The following LASP1 variants were observed in gnomAD, a reference collection of about 807,000 sequenced individuals.
The protein encoded by LASP1 is LIM and SH3 protein 1, also known as LIM and SH3 domain protein 1.
In LASP1, 10 loss-of-function variants were observed where a neutral mutation model predicts 38.6. That is an observed-to-expected ratio of 0.26 (90% CI 0.16 to 0.44). The LOEUF (loss-of-function observed/expected upper bound fraction) is 0.44. Among genes scored for constraint, LASP1 ranks in the 20% least tolerant of loss-of-function variants. The pLI is 1.00. For missense variants in LASP1, 243 were observed against 375.7 expected, an observed-to-expected ratio of 0.65 and a Z score of 2.92; for synonymous variants, 132 against 140.8, an observed-to-expected ratio of 0.94 and a Z score of 0.44.
chr17:38,918,888 G>A lies in LASP1; in HGVS notation c.*110G>A, dbSNP rs566644862. Reference sequence around the variant, plus strand: ...TGTTTTTTAAAACCTGCGACAGCTTGTGATTCCTACCCCTCTTCCAGCTTC... The same window carrying A: ...TGTTTTTTAAAACCTGCGACAGCTTATGATTCCTACCCCTCTTCCAGCTTC... On this transcript the variant is annotated 3_prime_UTR_variant, in exon 7 of 7. Transcript: ENST00000318008. This position sits in a 1 kb window ranked among gnomAD's most constrained non-coding sequence, Gnocchi z 4.4. 2.5e-3 allele frequency: 3,128 copies of A among 1,230,552 alleles called. 6 individuals are homozygous for A. The highest frequency in any genetic ancestry group is 3.5e-3 in the Admixed American group (157 of 44,790). The allele number at this position is 1,230,552 out of a possible 1,614,324, so 76.2% of individuals were successfully genotyped here. A position where few individuals can be genotyped will look rare whatever the true frequency, so the allele number is the denominator to read the frequency against.
chr17:38,901,880 C>G (rs1339714659), intron 4 of LASP1, among the ~76,000 whole-genome samples: 2 of 152,110 alleles, frequency 1.3e-5, no homozygotes, highest in Non-Finnish European at 2.9e-5. Flanking sequence ...ATTCTGCTGC[C>G]TCAGCCTCGT....
intron 4 of LASP1, among the ~76,000 whole-genome samples, chr17:38,899,516 G>A (rs949636610): frequency 6.6e-6 from 1 of 152,182 alleles, no homozygotes; most frequent in Non-Finnish European, 1.5e-5. Flanking sequence ...TGGCTGGGCC[G>A]TGCATAGAGT....
In LASP1 at chr17:38,919,490, C is replaced by G. The variant is rs934314264; in HGVS notation, c.*712C>G. On this transcript the variant is annotated 3_prime_UTR_variant, in exon 7 of 7. Transcript: ENST00000318008. ...AGCACAGCTTGGGTCAGGTTCTTGC[C>G]TTTCTTAATTTTAGGGACAGCTACC... 3 of 244,164 alleles carry G rather than the reference C, an allele frequency of 1.2e-5. No homozygotes were observed. Among genetic ancestry groups the G allele is most frequent in the African/African-American group, 6.6e-5 (3 of 45,590 alleles). 15.1% of individuals were successfully genotyped at this position (244,164 alleles called of 1,614,324 possible). A position where few individuals can be genotyped will look rare whatever the true frequency, so the allele number is the denominator to read the frequency against.
chr17:38,898,970 C>T, intron 4 of LASP1: 1 of 355,370 alleles, frequency 2.8e-6, no homozygotes, highest in South Asian at 2.1e-5. Context: ...GCTCTTCCTT[C>T]CTGTGTAAAA....
chr17:38,872,323 C>T (rs1183642542), intron 1 of LASP1, among the ~76,000 whole-genome samples: 2 of 152,140 alleles, frequency 1.3e-5, no homozygotes, highest in East Asian at 3.9e-4. Flanking sequence ...CCTTCAGTGC[C>T]GTGTACCCGA....
chr17:38,897,136 G>C, intron 3 of LASP1: 4 of 932,416 alleles, frequency 4.3e-6, no homozygotes, highest in Non-Finnish European at 5.1e-6. Context: ...TGAACTAATG[G>C]GGAACAGCAC....
At chr17:38,905,952 C>T (rs566574494) in intron 4 of LASP1, among the ~76,000 whole-genome samples, 59 of 152,058 alleles carry the variant, frequency 3.9e-4, no homozygotes, top group Admixed American at 1.1e-3. Context: ...CCCAGCTACT[C>T]GAGCGGCTGA....
intron 2 of LASP1, among the ~76,000 whole-genome samples, chr17:38,887,776 T>C (rs226235): frequency 0.69 from 105,066 of 152,102 alleles, 36,970 homozygotes; most frequent in African/African-American, 0.84. Flanking sequence ...GTTATGCTCC[T>C]TTGATTGAGG....
intron 3 of LASP1, among the ~76,000 whole-genome samples, chr17:38,895,090 G>T (rs996171247): frequency 9.3e-4 from 142 of 152,104 alleles, no homozygotes; most frequent in African/African-American, 3.3e-3. Context: ...GGGTTACAAA[G>T]TATGTTGGCC....
At chr17:38,897,411 T>C (rs1914519012) in intron 3 of LASP1, among the ~76,000 whole-genome samples, 2 of 152,158 alleles carry the variant, frequency 1.3e-5, no homozygotes, top group African/African-American at 4.8e-5. Context: ...GCAGCCCCCG[T>C]GGAGGAAATC....
chr17:38,915,165 AG>A lies in LASP1; in HGVS notation c.612+23del. On this transcript the variant is annotated intron_variant, in intron 6 of 6. Transcript: ENST00000318008. Reference sequence around the variant, plus strand: ...TGGCGGGGTGAGTAACCCTGGCCGGAGGGGAGAGGCCAGAGGCAGGGGGTCC... The same window carrying A: ...TGGCGGGGTGAGTAACCCTGGCCGGAGGGAGAGGCCAGAGGCAGGGGGTCC... 1 of 1,606,568 alleles carries A rather than the reference AG, an allele frequency of 6.2e-7. No individual in the cohort carries two copies. Among genetic ancestry groups the A allele is most frequent in the Non-Finnish European group, 8.5e-7 (1 of 1,173,826 alleles).
chr17:38,913,673 A>C (rs1915020934), intron 4 of LASP1, among the ~76,000 whole-genome samples: 2 of 152,084 alleles, frequency 1.3e-5, no homozygotes, highest in Admixed American at 1.3e-4. Flanking sequence ...CCCAGGCGGA[A>C]ACAGAGCAGC....
At chr17:38,910,813 C>T (rs1281279723) in intron 4 of LASP1, among the ~76,000 whole-genome samples, 1 of 150,446 alleles carries the variant, frequency 6.6e-6, no homozygotes, top group Non-Finnish European at 1.5e-5. Context: ...ACCTCCGCCT[C>T]CAAGGTTCAA....
At position 38,919,407 on chromosome 17, in the gene LASP1, A is replaced by G. The variant is rs1265096820; in HGVS notation, c.*629A>G. 1 of 240,728 alleles carries G rather than the reference A, an allele frequency of 4.2e-6. No homozygotes were observed. The highest frequency in any genetic ancestry group is 2.2e-5 in the African/African-American group (1 of 45,396). The allele number at this position is 240,728 out of a possible 1,614,324, so 14.9% of individuals were successfully genotyped here. On this transcript the variant is annotated 3_prime_UTR_variant, in exon 7 of 7. Transcript: ENST00000318008. ...CCCCTCCCCGCGCGTTCCTTCGCAC[A>G]CTGTGATTTTGCCCTCCTGCCCACG...
At chr17:38,893,191 G>T (rs921151605) in intron 3 of LASP1, among the ~76,000 whole-genome samples, 4 of 152,200 alleles carry the variant, frequency 2.6e-5, no homozygotes, top group Non-Finnish European at 4.4e-5. Flanking sequence ...CCATGACCTG[G>T]CCCTGGAGCC....
Position 38,920,891 on chromosome 17 carries a change from G to A in LASP1, c.*2113G>A, listed in dbSNP as rs1220205412. ...TGTGGATTTGGGGACCAAAGGTCAG[G>A]GACACATCCCCTTAGAGGACCTGAG... On this transcript the variant is annotated 3_prime_UTR_variant, in exon 7 of 7. Transcript: ENST00000318008. 1 of 232,434 alleles carries A rather than the reference G, an allele frequency of 4.3e-6. No individual in the cohort carries two copies. The highest frequency in any genetic ancestry group is 2.2e-5 in the African/African-American group (1 of 45,236). 14.4% of individuals were successfully genotyped at this position (232,434 alleles called of 1,614,324 possible).
intron 4 of LASP1, among the ~76,000 whole-genome samples, chr17:38,909,410 C>A (rs1226975497): frequency 1.3e-5 from 2 of 152,092 alleles, no homozygotes; most frequent in African/African-American, 4.8e-5. Context: ...AGTTCAAGAC[C>A]AGCCTGGCCA....
chr17:38,909,690 G>A (rs576809593), intron 4 of LASP1, among the ~76,000 whole-genome samples: 6 of 152,130 alleles, frequency 3.9e-5, no homozygotes, highest in Non-Finnish European at 7.4e-5. Context: ...GTTCCTACAG[G>A]AAGAAAACTC....
intron 3 of LASP1, chr17:38,896,912 C>T (rs1038651): frequency 0.64 from 632,948 of 983,978 alleles, 210,191 homozygotes; most frequent in Non-Finnish European, 0.68. Context: ...ATGAAGAAAC[C>T]GAGGCCAGGG....
Sources: gnomAD v4.1 joint callset for allele counts (sites outside exome capture counted in the v4.1 genomes callset) on GRCh38, gnomAD v4.1.1 for gene constraint, Gnocchi (gnomAD v3.1) non-coding constraint, MANE v1.5 for transcripts, NCBI Gene and HGNC (gene_info 2026-07-23, HGNC 2026-07-21) for gene names.